Variants in ATP10B observed in about 807,000 individuals in gnomAD.
The protein encoded by ATP10B is ATPase phospholipid transporting 10B (putative), also known as phospholipid-transporting ATPase VB.
Under a neutral mutation model 141.2 loss-of-function variants are expected in ATP10B, and 122 were observed. The ratio of observed to expected loss-of-function variants is 0.86; its 90% CI spans 0.75 to 1.00. The LOEUF (loss-of-function observed/expected upper bound fraction) is 1.00. ATP10B is among the 50% of genes least tolerant of loss of function. The pLI is 0.00. For synonymous variants in ATP10B, 685 were observed against 692.0 expected (o/e 0.99, Z 0.16); for missense variants, 1,876 against 1,825.3 (o/e 1.03, Z -0.51).
intron 3 of ATP10B, among the ~76,000 whole-genome samples, chr5:160,698,854 G>A (rs34447288): frequency 0.092 from 13,967 of 152,244 alleles, 870 homozygotes; most frequent in Middle Eastern, 0.12. Context: ...TAGTGAATTA[G>A]AGAGTTGAGT....
At chr5:160,589,855 A>G (rs1756163992) in intron 23 of ATP10B, among the ~76,000 whole-genome samples, 159 bp from the exon 24 acceptor site, 1 of 152,210 alleles carries the variant, frequency 6.6e-6, no homozygotes, top group African/African-American at 2.4e-5. Context: ...AGGTCAAGGT[A>G]AGAAAGGAAT....
chr5:160,928,688 T>A, the ATP10B span, among the ~76,000 whole-genome samples: 1 of 152,168 alleles, frequency 6.6e-6, no homozygotes, highest in East Asian at 1.9e-4. Context: ...TTATGATTTT[T>A]ATTAGGCACC....
At chr5:160,694,756 A>C (rs1764268306) in intron 3 of ATP10B, among the ~76,000 whole-genome samples, 1 of 152,244 alleles carries the variant, frequency 6.6e-6, no homozygotes, top group Non-Finnish European at 1.5e-5. Context: ...TTTATATACC[A>C]GGTGAGTAAA....
chr5:160,830,991 A>ACACACACACACACACT lies in ATP10B; in HGVS notation c.-576+20949_-576+20950insAGTGTGTGTGTGTGTG, dbSNP rs138245065. 2.7e-5 allele frequency among the ~76,000 whole-genome samples: 4 copies of ACACACACACACACACT among 150,788 alleles called. 1 individual carries two copies. The highest frequency in any genetic ancestry group is 9.7e-5 in the African/African-American group (4 of 41,206). On this transcript the variant is annotated intron_variant, in intron 1 of 25. Coordinates refer to ENST00000327245, the MANE Select transcript of ATP10B (RefSeq NM_025153.3). ...CACAAACACACACACACACACACAC[A>ACACACACACACACACT]CACACACAGAGTGGACAGAATAGTG...
At chr5:160,664,503 T>C (rs1044428311) in intron 7 of ATP10B, among the ~76,000 whole-genome samples, 2 of 152,240 alleles carry the variant, frequency 1.3e-5, no homozygotes, top group Non-Finnish European at 2.9e-5. Flanking sequence ...ATTTTTAACC[T>C]GAGCAACAAA....
chr5:160,670,701 T>C (rs1762636219), intron 6 of ATP10B, 34 bp from the exon 7 acceptor site: 2 of 1,589,746 alleles, frequency 1.3e-6, no homozygotes, highest in African/African-American at 2.7e-5. Context: ...GTGAGTGAGC[T>C]TTAAGTTTCC....
chr5:160,730,600 C>T (rs547509911), intron 2 of ATP10B, among the ~76,000 whole-genome samples: 96 of 152,136 alleles, frequency 6.3e-4, no homozygotes, highest in South Asian at 1.9e-3. Context: ...GTACAAAAAG[C>T]GTTTTTCTTT....
chr5:160,720,578 G>C (rs1765930463), intron 2 of ATP10B, among the ~76,000 whole-genome samples: 1 of 152,192 alleles, frequency 6.6e-6, no homozygotes, highest in African/African-American at 2.4e-5. Flanking sequence ...CTTGATCCTT[G>C]TTGTGTGATA....
the ATP10B span, among the ~76,000 whole-genome samples, chr5:160,917,998 GCA>G: frequency 2.0e-5 from 3 of 152,202 alleles, no homozygotes; most frequent in Non-Finnish European, 2.9e-5. Flanking sequence ...AGGTTTATCT[GCA>G]CAGTCAGCTG....
At chr5:160,708,234 C>G (rs979177585) in intron 3 of ATP10B, among the ~76,000 whole-genome samples, 10 of 152,116 alleles carry the variant, frequency 6.6e-5, no homozygotes, top group African/African-American at 1.2e-4. Context: ...AGCATTCTTT[C>G]TGAGGGTATT....
chr5:160,714,898 C>G (rs1727800210), intron 3 of ATP10B, among the ~76,000 whole-genome samples: 2 of 146,136 alleles, frequency 1.4e-5, no homozygotes, highest in South Asian at 4.5e-4. Flanking sequence ...TGTGGCCCTG[C>G]TGGGGGGTGC....
chr5:160,819,153 A>G (rs561245533), intron 1 of ATP10B, among the ~76,000 whole-genome samples: 1 of 152,316 alleles, frequency 6.6e-6, no homozygotes, highest in East Asian at 1.9e-4. Flanking sequence ...TATAATAAAA[A>G]TAAAAGAAGG....
chr5:160,700,885 C>G (rs562892690), intron 3 of ATP10B, among the ~76,000 whole-genome samples: 1 of 152,118 alleles, frequency 6.6e-6, no homozygotes, highest in African/African-American at 2.4e-5. Flanking sequence ...TCTGCACTTG[C>G]CCCCTATTAC....
At chr5:160,908,873 T>G in the ATP10B span, among the ~76,000 whole-genome samples, 1 of 152,350 alleles carries the variant, frequency 6.6e-6, no homozygotes, top group Middle Eastern at 3.4e-3. Context: ...TCTCATCAAA[T>G]CTAAGCTTCT....
chr5:160,673,355 T>C (rs1378272585), intron 6 of ATP10B, among the ~76,000 whole-genome samples: 4 of 152,174 alleles, frequency 2.6e-5, no homozygotes, highest in African/African-American at 9.7e-5. Flanking sequence ...AGGCATGCAA[T>C]GTGTAATAAT....
In ATP10B at chr5:160,689,229, G is replaced by A. The variant is rs537380010; in HGVS notation, c.-204-286C>T. Among the ~76,000 whole-genome samples the A allele has an allele frequency of 7.4e-4, 112 of 152,152 alleles. 1 individual carries two copies. The highest frequency in any genetic ancestry group is 3.9e-3 in the South Asian group (19 of 4,814). Reference sequence around the variant, plus strand: ...ACTAGGTATTGATGGAAAGTATCTCGAAATAATAAGAGCCATTTATTACAA... The same window carrying A: ...ACTAGGTATTGATGGAAAGTATCTCAAAATAATAAGAGCCATTTATTACAA... On this transcript the variant is annotated intron_variant, in intron 3 of 25. Coordinates refer to ENST00000327245, the MANE Select transcript of ATP10B (RefSeq NM_025153.3).
chr5:160,865,278 C>A, the ATP10B span, among the ~76,000 whole-genome samples: 2 of 152,054 alleles, frequency 1.3e-5, no homozygotes, highest in Non-Finnish European at 2.9e-5. Context: ...CAAATACTTA[C>A]AACCAGCTGG....
the ATP10B span, among the ~76,000 whole-genome samples, chr5:160,898,409 G>T: frequency 1.3e-5 from 2 of 152,084 alleles, no homozygotes; most frequent in Admixed American, 1.3e-4. Flanking sequence ...CATAATCACT[G>T]GTCATTAGAG....
chr5:160,599,765 G>A (rs769959252), intron 21 of ATP10B, among the ~76,000 whole-genome samples: 3 of 152,296 alleles, frequency 2.0e-5, no homozygotes, highest in South Asian at 4.1e-4. Context: ...TCTCTTGTGG[G>A]TGGGCTGGGT....
Sources: allele counts gnomAD v4.1 joint callset (sites outside exome capture counted in the v4.1 genomes callset), GRCh38; gene constraint gnomAD v4.1.1; transcripts MANE v1.5; gene names NCBI Gene and HGNC (gene_info 2026-07-23, HGNC 2026-07-21).